Variants in ANKFN1 observed in about 807,000 individuals in gnomAD.
The protein encoded by ANKFN1 is ankyrin repeat and fibronectin type III domain containing 1.
A neutral mutation model predicts 108.7 loss-of-function variants in ANKFN1; 74 were observed. The ratio of observed to expected loss-of-function variants is 0.68; its 90% confidence interval spans 0.56 to 0.83. ANKFN1 has a LOEUF of 0.83. ANKFN1 is among the 40% of genes least tolerant of loss of function. The probability of loss-of-function intolerance (pLI) is 0.00; values close to 1 mark genes in which losing one functional copy is unlikely to be tolerated. For synonymous variants in ANKFN1, 547 were observed against 516.2 expected, an observed-to-expected ratio of 1.06 and a Z score of -0.81; for missense variants, 1,505 against 1,382.3, an observed-to-expected ratio of 1.09 and a Z score of -1.41.
At chr17:56,130,616 C>T (rs997439850) in intron 4 of ANKFN1, among the ~76,000 whole-genome samples, 2 of 151,764 alleles carry the variant, frequency 1.3e-5, no homozygotes, top group Non-Finnish European at 1.5e-5. Context: ...TCTCCCTGGG[C>T]AGAGGTTAGC....
At chr17:56,326,436 T>C (rs963909898) in intron 4 of ANKFN1, 81 bp downstream of exon 4, 1 of 1,498,970 alleles carries the variant, frequency 6.7e-7, no homozygotes, top group Admixed American at 2.3e-5. Context: ...TGTGTATATG[T>C]TGCTGTGGCT....
intron 3 of ANKFN1, among the ~76,000 whole-genome samples, chr17:56,235,298 T>G (rs1917043516): frequency 6.6e-6 from 1 of 152,218 alleles, no homozygotes; most frequent in South Asian, 2.1e-4. Flanking sequence ...TCCCATGCTG[T>G]AGATTGTCTG....
chr17:56,500,319 A>G (rs2051327819), intron 20 of ANKFN1, among the ~76,000 whole-genome samples: 2 of 152,224 alleles, frequency 1.3e-5, no homozygotes, highest in Admixed American at 1.3e-4. Context: ...TCCAATGTGT[A>G]AAGTCAAAAC....
chr17:56,489,799 G>C (rs2050975823), intron 18 of ANKFN1, among the ~76,000 whole-genome samples: 1 of 152,070 alleles, frequency 6.6e-6, no homozygotes, highest in Non-Finnish European at 1.5e-5. Context: ...CCAGCCAAGA[G>C]AGGACATCTG....
chr17:56,280,696 C>T (rs1285129506), intron 3 of ANKFN1, among the ~76,000 whole-genome samples: 3 of 150,840 alleles, frequency 2.0e-5, no homozygotes. Context: ...AATACAAAAT[C>T]ACGGAGTTTT....
chr17:56,190,003 A>AC (rs998577184), intron 1 of ANKFN1, among the ~76,000 whole-genome samples: 73 of 151,718 alleles, frequency 4.8e-4, no homozygotes, highest in African/African-American at 1.6e-3. Context: ...TGTGCAAAAA[A>AC]AAAAAAAAGT....
chr17:56,460,056 T>TTAA (rs375290755), intron 14 of ANKFN1, among the ~76,000 whole-genome samples: 38 of 148,106 alleles, frequency 2.6e-4, no homozygotes, highest in South Asian at 6.4e-4. Flanking sequence ...CATTGCCACA[T>TTAA]AAAAAAAAAA....
At chr17:56,144,648 G>A (rs1282349273) in intron 4 of ANKFN1, among the ~76,000 whole-genome samples, 4 of 152,160 alleles carry the variant, frequency 2.6e-5, no homozygotes, top group East Asian at 1.9e-4. Context: ...AGGTGAGTGA[G>A]TGAGGATAAA....
intron 8 of ANKFN1, among the ~76,000 whole-genome samples, chr17:56,380,488 C>G (rs2047064534): frequency 6.6e-6 from 1 of 152,212 alleles, no homozygotes; most frequent in Non-Finnish European, 1.5e-5. Context: ...GAGGCATTGC[C>G]TCACTCGGGA....
chr17:56,381,378 G>C (rs545758841), intron 8 of ANKFN1, among the ~76,000 whole-genome samples: 1 of 152,204 alleles, frequency 6.6e-6, no homozygotes, highest in South Asian at 2.1e-4. Context: ...AAAGCAGAGT[G>C]CCTCTCCTCC....
At chr17:56,292,233 G>A (rs1426619920) in intron 3 of ANKFN1, among the ~76,000 whole-genome samples, 1 of 152,138 alleles carries the variant, frequency 6.6e-6, no homozygotes, top group Non-Finnish European at 1.5e-5. Flanking sequence ...GGTTTCCTGG[G>A]GAGTGTAGCC....
chr17:56,392,039 A>G (rs1006192925), intron 8 of ANKFN1, among the ~76,000 whole-genome samples: 1 of 152,204 alleles, frequency 6.6e-6, no homozygotes, highest in Non-Finnish European at 1.5e-5. Flanking sequence ...CATTTTATGG[A>G]GTAATAATAA....
chr17:56,195,520 A>G (rs1206052889), intron 1 of ANKFN1: 1 of 152,166 alleles, frequency 6.6e-6, no homozygotes, highest in African/African-American at 2.4e-5. Context: ...TATTTCCTCC[A>G]TGTCATTGTC....
chr17:56,270,668 C>G (rs1480554632), intron 3 of ANKFN1, among the ~76,000 whole-genome samples: 1 of 152,192 alleles, frequency 6.6e-6, no homozygotes, highest in Non-Finnish European at 1.5e-5. Context: ...GTCATCATGA[C>G]CAAGCCTCAT....
chr17:56,359,847 T>C lies in ANKFN1; in HGVS notation c.601+5801T>C, dbSNP rs2046469803. ...ATGTTACCCTTCCACATGGTCCTCC[T>C]GGGAGACCCCACACTTGCTCCAACA... is the stretch of plus-strand genomic sequence containing the variant. On this transcript the variant is annotated intron_variant, in intron 6 of 20. Transcript: ENST00000682825. Among the ~76,000 whole-genome samples the C allele has an allele frequency of 2.6e-5, 4 of 152,318 alleles. No individual in the cohort carries two copies. The South Asian group carries it at 8.3e-4, about 32-fold the overall frequency.
intron 8 of ANKFN1, among the ~76,000 whole-genome samples, chr17:56,416,121 C>T (rs1309175506): frequency 1.3e-5 from 2 of 152,158 alleles, no homozygotes; most frequent in Non-Finnish European, 2.9e-5. Context: ...CAAGATAACA[C>T]TGGAGGAAAA....
At chr17:56,067,422 C>G (rs1905073729) in intron 4 of ANKFN1, among the ~76,000 whole-genome samples, 1 of 151,958 alleles carries the variant, frequency 6.6e-6, no homozygotes, top group Admixed American at 6.6e-5. Flanking sequence ...TCCTCGGTGC[C>G]TTCTTTATCT....
chr17:56,436,613 C>G (rs188550949), intron 8 of ANKFN1, among the ~76,000 whole-genome samples: 1 of 152,170 alleles, frequency 6.6e-6, no homozygotes, highest in Admixed American at 6.5e-5. Flanking sequence ...CACCTGAGAT[C>G]AGGAGTTCAA....
At position 56,208,073 on chromosome 17, in the gene ANKFN1, G is replaced by T. The variant is rs547102329; in HGVS notation, c.-70-4525G>T. On this transcript the variant is annotated intron_variant, in intron 1 of 20. Coordinates refer to ENST00000682825, the MANE Select transcript of ANKFN1 (RefSeq NM_001370326.1). ...CACCCAGACTGGAGTGCTGTGGAGC[G>T]ATTTTGGCTTGCTGCAACCTCCACC... is the stretch of plus-strand genomic sequence containing the variant. Among the ~76,000 whole-genome samples the T allele has an allele frequency of 1.4e-3, 209 of 152,238 alleles. 1 individual carries two copies. Among genetic ancestry groups the T allele is most frequent in the African/African-American group, 4.8e-3 (199 of 41,552 alleles).
Sources: allele counts gnomAD v4.1 joint callset (sites outside exome capture counted in the v4.1 genomes callset), GRCh38; gene constraint gnomAD v4.1.1; transcripts MANE v1.5; gene names NCBI Gene and HGNC (gene_info 2026-07-23, HGNC 2026-07-21).